Variants in SPDYE5 observed in about 807,000 individuals in gnomAD.
SPDYE5 encodes the protein speedy/RINGO cell cycle regulator family member E5.
A neutral mutation model predicts 48.5 loss-of-function variants in SPDYE5; 15 were observed. That is an observed-to-expected ratio of 0.31 (90% CI 0.21 to 0.48). SPDYE5 has a LOEUF of 0.48. Among genes scored for constraint, SPDYE5 ranks in the 20% least tolerant of loss-of-function variants. The probability of loss-of-function intolerance (pLI) is 0.99; values close to 1 mark genes in which losing one functional copy is unlikely to be tolerated. For synonymous variants in SPDYE5, 116 were observed against 200.7 expected, an observed-to-expected ratio of 0.58 and a Z score of 3.57; for missense variants, 331 against 549.1, an observed-to-expected ratio of 0.60 and a Z score of 3.97.
chr7:75,492,684 C>T (rs3973272), intron 1 of SPDYE5, among the ~76,000 whole-genome samples: 2,915 of 152,254 alleles, frequency 0.019, 52 homozygotes, highest in East Asian at 0.059. Context: ...AGTGATCCAC[C>T]CACTTTGGCC....
intron 2 of SPDYE5, among the ~76,000 whole-genome samples, chr7:75,494,482 G>A (rs1161164474): frequency 2.0e-5 from 3 of 148,880 alleles, no homozygotes; most frequent in African/African-American, 5.0e-5. Context: ...GGGAGGAAGA[G>A]GTTGCAGTGA....
Position 75,494,140 on chromosome 7 carries a change from T to C in SPDYE5, c.93T>C (p.Ser31=), listed in dbSNP as rs2116594189. 6 of 1,534,696 alleles carry C rather than the reference T, an allele frequency of 3.9e-6. No homozygotes were observed. Among genetic ancestry groups the C allele is most frequent in the Non-Finnish European group, 5.2e-6 (6 of 1,146,708 alleles). Residue 31 remains serine, a synonymous_variant, in exon 2 of 9, where the codon AGT becomes AGC. Transcript: ENST00000625065. ...AACCGCAACCCCAGAATGAGCAGAG[T>C]CCCCAGCGGAGCACCTCGGGGTACC... ...SRQPQPQNEQ[S]PQRSTSGYPL...
chr7:75,496,012 T>G, intron 3 of SPDYE5, among the ~76,000 whole-genome samples: 6 of 121,436 alleles, frequency 4.9e-5, no homozygotes, highest in Non-Finnish European at 5.1e-5. Context: ...TGAGACGCTG[T>G]GTCAAAAAAA....
rs201890310 is a variant in SPDYE5, at chr7:75,501,456, C to T, written c.850C>T (p.Leu284Phe). ...YGKNRSRIPLLRKRWFQLGRS... is the reference protein window; with the variant it reads ...YGKNRSRIPLFRKRWFQLGRS... Reference sequence around the variant, plus strand: ...GAAGAACCGCTCTCGCATACCCTTGCTCCGTAAGCGTTGGTTCCAGTTAGG... The same window carrying T: ...GAAGAACCGCTCTCGCATACCCTTGTTCCGTAAGCGTTGGTTCCAGTTAGG... The change falls in exon 7 of 9, where the codon CTC becomes TTC. Residue 284 changes from leucine (L) to phenylalanine (F), a missense_variant. Around this residue, in one of 8 missense-constraint regions of SPDYE5, gnomAD observed 70 missense variants for 87.6 expected, o/e 0.80. Transcript: ENST00000625065. 5.0e-6 allele frequency: 8 copies of T among 1,609,368 alleles called. No individual in the cohort carries two copies. The highest frequency in any genetic ancestry group is 5.9e-6 in the Non-Finnish European group (7 of 1,179,002).
chr7:75,500,459 T>C (rs1389474257), intron 6 of SPDYE5, among the ~76,000 whole-genome samples: 1 of 151,156 alleles, frequency 6.6e-6, no homozygotes, highest in Non-Finnish European at 1.5e-5. Context: ...GATTAGGTCA[T>C]CTGCCTTGAT....
At position 75,501,747 on chromosome 7, in the gene SPDYE5, TTGGAGGAGGTAGGTGGGGCCTGGGGAGG is replaced by T. The variant is rs1554483601; in HGVS notation, c.1149+3_1149+30del. 6.2e-7 allele frequency: 1 copy of T among 1,609,678 alleles called. No individual in the cohort carries two copies. Among genetic ancestry groups the T allele is most frequent in the Non-Finnish European group, 8.5e-7 (1 of 1,179,762 alleles). On this transcript the variant is annotated splice_donor_variant and splice_donor_5th_base_variant and coding_sequence_variant and intron_variant, in exon 7 of 9. Transcript: ENST00000625065. LOFTEE classifies it high-confidence loss of function. ...CAGGGCTTGGGTTTCCCCGGAGGAG[TTGGAGGAGGTAGGTGGGGCCTGGGGAGG>T]TGGAGGAGGTGGGGAGGAATCGGGT...
chr7:75,498,262 TAC>T (rs1406781129), intron 5 of SPDYE5, among the ~76,000 whole-genome samples: 1 of 151,858 alleles, frequency 6.6e-6, no homozygotes, highest in Non-Finnish European at 1.5e-5. Flanking sequence ...CAGCTGGGAT[TAC>T]AGACATGAAC....
rs1218809887 is a variant in SPDYE5, at chr7:75,502,733, C to G, written c.*46-100C>G. On this transcript the variant is annotated intron_variant, in intron 8 of 8. Transcript: ENST00000625065. Reference sequence around the variant, plus strand: ...AAAGGCAGCAGATAAAATTGCATTTCTCAATTGCTCTGAACTCTAGACTTG... The same window carrying G: ...AAAGGCAGCAGATAAAATTGCATTTGTCAATTGCTCTGAACTCTAGACTTG... 3.6e-6 allele frequency: 4 copies of G among 1,110,340 alleles called. No individual in the cohort carries two copies. In the African/African-American group the frequency reaches 5.2e-5, roughly 14 times the overall value. The allele number at this position is 1,110,340 out of a possible 1,614,324, so 68.8% of individuals were successfully genotyped here. A position where few individuals can be genotyped will look rare whatever the true frequency, so the allele number is the denominator to read the frequency against.
chr7:75,496,398 C>T lies in SPDYE5; in HGVS notation c.380-276C>T, dbSNP rs868957644. On this transcript the variant is annotated intron_variant, in intron 3 of 8. Transcript: ENST00000625065. ...CAAGACTGTTTCTCAACAACAACAACAACAACAAAAAAAAAAAAAAAAAAA... is the reference window on the plus strand; with the variant it reads ...CAAGACTGTTTCTCAACAACAACAATAACAACAAAAAAAAAAAAAAAAAAA... Among the ~76,000 whole-genome samples, 25 of 44,454 alleles carry T rather than the reference C, an allele frequency of 5.6e-4. No individual in the cohort carries two copies. The East Asian group carries it at 0.011, about 19-fold the overall frequency. The allele number at this position is 44,454 out of a possible 152,430, so 29.2% of individuals were successfully genotyped here.
At chr7:75,500,253 G>A (rs1463356491) in intron 6 of SPDYE5, among the ~76,000 whole-genome samples, 9 of 143,882 alleles carry the variant, frequency 6.3e-5, no homozygotes, top group Non-Finnish European at 1.2e-4. Context: ...TTCCTGGCTC[G>A]GCTTCACTGC....
At chr7:75,500,496 C>A (rs1446857790) in intron 6 of SPDYE5, among the ~76,000 whole-genome samples, 2 of 151,366 alleles carry the variant, frequency 1.3e-5, no homozygotes, top group Non-Finnish European at 2.9e-5. Flanking sequence ...AGACTAGATG[C>A]CTGTAGAAGG....
At position 75,502,097 on chromosome 7, in the gene SPDYE5, C is replaced by T. The variant is rs1293919849; in HGVS notation, c.*45+115C>T. 13 of 1,212,740 alleles carry T rather than the reference C, an allele frequency of 1.1e-5. No homozygotes were observed. The Admixed American group carries it at 1.6e-4, about 15-fold the overall frequency. 75.1% of individuals were successfully genotyped at this position (1,212,740 alleles called of 1,614,324 possible). A position where few individuals can be genotyped will look rare whatever the true frequency, so the allele number is the denominator to read the frequency against. On this transcript the variant is annotated intron_variant, in intron 8 of 8. Coordinates refer to ENST00000625065, the MANE Select transcript of SPDYE5 (RefSeq NM_001306141.4). Reference sequence around the variant, plus strand: ...TGGGCAACGTGGCGAGATCCCCTCTCCACAAAAATACAAAAATTAGCCAGG... The same window carrying T: ...TGGGCAACGTGGCGAGATCCCCTCTTCACAAAAATACAAAAATTAGCCAGG...
rs868957644 is a variant in SPDYE5 at position 75,496,398 on chromosome 7, C to A, written c.380-276C>A. 0.01 allele frequency among the ~76,000 whole-genome samples: 459 copies of A among 44,430 alleles called. 7 individuals carry two copies. The East Asian group carries it at 0.17, about 16-fold the overall frequency. 29.1% of individuals were successfully genotyped at this position (44,430 alleles called of 152,430 possible). A position where few individuals can be genotyped will look rare whatever the true frequency, so the allele number is the denominator to read the frequency against. On this transcript the variant is annotated intron_variant, in intron 3 of 8. Coordinates refer to ENST00000625065, the MANE Select transcript of SPDYE5 (RefSeq NM_001306141.4). Reference sequence around the variant, plus strand: ...CAAGACTGTTTCTCAACAACAACAACAACAACAAAAAAAAAAAAAAAAAAA... The same window carrying A: ...CAAGACTGTTTCTCAACAACAACAAAAACAACAAAAAAAAAAAAAAAAAAA...
chr7:75,501,713 C>T lies in SPDYE5; in HGVS notation c.1107C>T (p.Ser369=). The stretch of plus-strand genomic sequence containing the variant: ...AACGTCGGTTCCAGTTCTTCTGTTC[C>T]ATGAGCGGCAGGGCTTGGGTTTCCC... ...FQKRRFQFFC[S]MSGRAWVSPE... Residue 369 remains serine (S), a synonymous_variant, in exon 7 of 9, where the codon TCC becomes TCT. Coordinates refer to ENST00000625065, the MANE Select transcript of SPDYE5 (RefSeq NM_001306141.4). 6.2e-7 allele frequency: 1 copy of T among 1,613,356 alleles called. No individual in the cohort carries two copies. The highest frequency in any genetic ancestry group is 8.5e-7 in the Non-Finnish European group (1 of 1,180,032).
At chr7:75,501,323 G>T in intron 6 of SPDYE5, 39 bp from the exon 7 acceptor site, 1 of 1,611,826 alleles carries the variant, frequency 6.2e-7, no homozygotes, top group African/African-American at 1.3e-5. Context: ...GGCCTCTCTT[G>T]GTGGTGCCCC....
At chr7:75,493,111 G>C (rs1279229760) in intron 1 of SPDYE5, among the ~76,000 whole-genome samples, 3 of 152,084 alleles carry the variant, frequency 2.0e-5, no homozygotes, top group Non-Finnish European at 4.4e-5. Flanking sequence ...TGAAATTTTC[G>C]ACTTAGTCTT....
rs782574734 is a variant in SPDYE5, at chr7:75,501,922, C to T, written c.1194C>T (p.Arg398=). ...DPEHWVWARD[R]AHLS is the part of the protein sequence containing the mutation. ...AGCACTGGGTGTGGGCGCGAGATCG[C>T]GCTCACCTTTCCTAGAGCTCCAGGG... Residue 398 remains arginine (R), a synonymous_variant, in exon 8 of 9, where the codon CGC becomes CGT. Coordinates refer to ENST00000625065, the MANE Select transcript of SPDYE5 (RefSeq NM_001306141.4). 1.1e-5 allele frequency: 18 copies of T among 1,609,714 alleles called. No individual in the cohort carries two copies. Among genetic ancestry groups the T allele is most frequent in the East Asian group, 2.2e-5 (1 of 44,810 alleles).
In SPDYE5 at chr7:75,494,348, C is replaced by G. The variant is rs2116595180; in HGVS notation, c.160+141C>G. Reference sequence around the variant, plus strand: ...ATCACCTGAGGTCAGGAGTTCAAGGCCAGCCTGGCCAATATGGTGAAACCC... The same window carrying G: ...ATCACCTGAGGTCAGGAGTTCAAGGGCAGCCTGGCCAATATGGTGAAACCC... On this transcript the variant is annotated intron_variant, in intron 2 of 8. Coordinates refer to ENST00000625065, the MANE Select transcript of SPDYE5 (RefSeq NM_001306141.4). 2.3e-6 allele frequency: 3 copies of G among 1,294,860 alleles called. No homozygotes were observed. The South Asian group carries it at 4.6e-5, about 20-fold the overall frequency. 80.2% of individuals were successfully genotyped at this position (1,294,860 alleles called of 1,614,324 possible).
Position 75,503,245 on chromosome 7 carries a change from C to T in SPDYE5, c.*458C>T, listed in dbSNP as rs1221575750. On this transcript the variant is annotated 3_prime_UTR_variant, in exon 9 of 9. Coordinates refer to ENST00000625065, the MANE Select transcript of SPDYE5 (RefSeq NM_001306141.4). ...AGATTTCTTCTGTGAAATATCAGTG[C>T]CACAGATTGTAACAGATAGCTTCAT... 3.1e-6 allele frequency: 1 copy of T among 326,744 alleles called. No homozygotes were observed. The allele number at this position is 326,744 out of a possible 1,614,324, so 20.2% of individuals were successfully genotyped here.
Sources: gnomAD v4.1 joint callset for allele counts (sites outside exome capture counted in the v4.1 genomes callset) on GRCh38, gnomAD v4.1.1 for gene constraint, gnomAD v4.1.1 regional missense constraint, MANE v1.5 for transcripts, NCBI Gene and HGNC (gene_info 2026-07-23, HGNC 2026-07-21) for gene names.